SSBP2: variants seen among roughly 807,000 people sequenced by gnomAD.
The protein encoded by SSBP2 is single stranded DNA binding protein 2, also known as single-stranded DNA-binding protein 2.
Under a neutral mutation model 61.8 loss-of-function variants are expected in SSBP2, and 17 were observed. The observed-to-expected ratio is 0.28, with a 90% CI of 0.19 to 0.41. The LOEUF is 0.41. Ranked by LOEUF, SSBP2 falls within the 10% of genes least tolerant of loss-of-function variation. SSBP2 has a pLI of 1.00. For missense variants in SSBP2, 310 were observed against 458.7 expected (o/e 0.68, Z 2.96); for synonymous variants, 139 against 141.3 (o/e 0.98, Z 0.12).
At chr5:81,479,175 C>T (rs935073210) in intron 6 of SSBP2, among the ~76,000 whole-genome samples, 1 of 152,106 alleles carries the variant, frequency 6.6e-6, no homozygotes, top group Non-Finnish European at 1.5e-5. Flanking sequence ...ATTCTTTAAA[C>T]CTTTAATATC....
intron 1 of SSBP2, among the ~76,000 whole-genome samples, chr5:81,702,579 G>C (rs374919561): frequency 6.6e-6 from 1 of 152,100 alleles, no homozygotes; most frequent in Non-Finnish European, 1.5e-5. Context: ...ATGCAGGAAT[G>C]CTATTTTTTT....
Position 81,489,332 on chromosome 5 carries a change from C to A in SSBP2, c.373-23G>T, listed in dbSNP as rs1218203933. On this transcript the variant is annotated intron_variant, in intron 5 of 16. Coordinates refer to ENST00000320672, the MANE Select transcript of SSBP2 (RefSeq NM_012446.5). ...AGGCTATTGAAGTAAAACAAATAAA[C>A]AAACAAAACAAAAAACAGTACAATG... 1.3e-5 allele frequency: 20 copies of A among 1,580,518 alleles called. No homozygotes were observed. In the Admixed American group the frequency reaches 1.4e-4, roughly 11 times the overall value.
intron 1 of SSBP2, among the ~76,000 whole-genome samples, chr5:81,661,330 C>A (rs1421102142): frequency 1.3e-5 from 2 of 152,146 alleles, no homozygotes; most frequent in African/African-American, 4.8e-5. Flanking sequence ...ATGCAGATAT[C>A]TCTCTGACAT....
chr5:81,749,064 A>C (rs1291081718), intron 1 of SSBP2, among the ~76,000 whole-genome samples: 5 of 152,228 alleles, frequency 3.3e-5, no homozygotes, highest in Admixed American at 2.0e-4. Flanking sequence ...GACTAATGTG[A>C]AATTCAAATA....
chr5:81,721,307 T>C (rs534950186), intron 1 of SSBP2, among the ~76,000 whole-genome samples: 3 of 152,044 alleles, frequency 2.0e-5, no homozygotes, highest in African/African-American at 4.8e-5. Flanking sequence ...CCCGAATATC[T>C]TTCCTAACTT....
intron 1 of SSBP2, among the ~76,000 whole-genome samples, chr5:81,681,999 A>C (rs1236388246): frequency 6.6e-6 from 1 of 152,234 alleles, no homozygotes; most frequent in Non-Finnish European, 1.5e-5. Flanking sequence ...ATAATATACC[A>C]AACTCACACA....
At chr5:81,492,479 G>A (rs1188832471) in intron 5 of SSBP2, among the ~76,000 whole-genome samples, 1 of 152,150 alleles carries the variant, frequency 6.6e-6, no homozygotes, top group Non-Finnish European at 1.5e-5. Flanking sequence ...ACTTCAGCCT[G>A]GGTGACAGAG....
intron 4 of SSBP2, among the ~76,000 whole-genome samples, chr5:81,534,162 C>T (rs748953769): frequency 6.6e-6 from 1 of 152,124 alleles, no homozygotes; most frequent in Non-Finnish European, 1.5e-5. Flanking sequence ...GCAAATTTCA[C>T]AGTCCACAGG....
chr5:81,725,622 A>G (rs1045680456), intron 1 of SSBP2, among the ~76,000 whole-genome samples: 17 of 152,222 alleles, frequency 1.1e-4, no homozygotes, highest in Non-Finnish European at 2.2e-4. Flanking sequence ...CCATCACCAG[A>G]GGGCCAGAGA....
At chr5:81,557,208 A>C (rs1035000953) in intron 4 of SSBP2, among the ~76,000 whole-genome samples, 3 of 152,192 alleles carry the variant, frequency 2.0e-5, no homozygotes, top group Admixed American at 2.0e-4. Flanking sequence ...AAGTTTGCTG[A>C]AATCTTCATC....
intron 2 of SSBP2, among the ~76,000 whole-genome samples, chr5:81,639,008 T>A (rs932383185): frequency 2.0e-5 from 3 of 152,182 alleles, no homozygotes; most frequent in African/African-American, 7.2e-5. Flanking sequence ...TTTCTGTTTC[T>A]TTTATTGAAT....
At chr5:81,445,070 C>T (rs1188732082) in intron 12 of SSBP2, among the ~76,000 whole-genome samples, 1 of 144,960 alleles carries the variant, frequency 6.9e-6, no homozygotes, top group African/African-American at 2.6e-5. Flanking sequence ...TTGCAGCGAG[C>T]TGAGATTGTG....
chr5:81,426,032 T>C (rs1008575325), intron 16 of SSBP2, among the ~76,000 whole-genome samples: 1 of 152,226 alleles, frequency 6.6e-6, no homozygotes, highest in African/African-American at 2.4e-5. Flanking sequence ...ACACTAGAAC[T>C]TGCATGTTCA....
intron 8 of SSBP2, among the ~76,000 whole-genome samples, chr5:81,468,179 A>G (rs904297639): frequency 6.6e-6 from 1 of 152,060 alleles, no homozygotes; most frequent in Non-Finnish European, 1.5e-5. Flanking sequence ...GCCCAAGCTA[A>G]GAATTTCCAG....
In SSBP2 at chr5:81,581,319, A is replaced by C. The variant is rs79264116; in HGVS notation, c.282+34154T>G. Among the ~76,000 whole-genome samples the C allele has an allele frequency of 2.0e-3, 310 of 152,288 alleles. 2 individuals carry two copies. The highest frequency in any genetic ancestry group is 7.2e-3 in the African/African-American group (300 of 41,560). On this transcript the variant is annotated intron_variant, in intron 4 of 16. Coordinates refer to ENST00000320672, the MANE Select transcript of SSBP2 (RefSeq NM_012446.5). ...GGCGACAGGATGGATAGAAGGCTTG[A>C]GCGGCATTTGGGTTAAATGTAGAAT...
At chr5:81,488,010 AATATATATATATATATATATAT>A (rs59039206) in intron 6 of SSBP2, among the ~76,000 whole-genome samples, 907 of 38,934 alleles carry the variant, frequency 0.023, 87 homozygotes, top group Middle Eastern at 0.057. Context: ...ATGGCCAAAT[AATATATATATATATATATATAT>A]ATATATATAT....
At chr5:81,495,887 A>G (rs538747726) in intron 5 of SSBP2, among the ~76,000 whole-genome samples, 294 of 152,294 alleles carry the variant, frequency 1.9e-3, no homozygotes, top group Non-Finnish European at 3.7e-3. Flanking sequence ...ATCATTAAAA[A>G]GTAAAAAAAA....
chr5:81,700,074 T>C (rs1408763255), intron 1 of SSBP2, among the ~76,000 whole-genome samples: 6 of 152,258 alleles, frequency 3.9e-5, no homozygotes, highest in South Asian at 2.1e-4. Context: ...TTCAAACTCC[T>C]GGACTCAAGT....
intron 4 of SSBP2, among the ~76,000 whole-genome samples, chr5:81,581,080 A>G (rs1774605739): frequency 6.6e-6 from 1 of 152,192 alleles, no homozygotes; most frequent in African/African-American, 2.4e-5. Context: ...ACAGTCTACT[A>G]CTCTGGTTCT....
Sources: gnomAD v4.1 joint callset for allele counts (sites outside exome capture counted in the v4.1 genomes callset) on GRCh38, gnomAD v4.1.1 for gene constraint, MANE v1.5 for transcripts, NCBI Gene and HGNC (gene_info 2026-07-23, HGNC 2026-07-21) for gene names.